KIAA0232: variants seen among roughly 807,000 people sequenced by gnomAD.
KIAA0232 encodes the protein KIAA0232.
KIAA0232 carries 27 observed loss-of-function variants against 122.0 expected under a neutral mutation model. That is an observed-to-expected ratio of 0.22 (90% CI 0.16 to 0.31). KIAA0232 has a LOEUF of 0.31. Ranked by LOEUF, KIAA0232 falls within the 10% of genes least tolerant of loss-of-function variation. KIAA0232 has a pLI of 1.00. For missense variants in KIAA0232, 1,551 were observed against 1,634.2 expected (o/e 0.95, Z 0.88); for synonymous variants, 613 against 587.6 (o/e 1.04, Z -0.63).
chr4:6,874,156 C>A (rs540439632), intron 8 of KIAA0232, among the ~76,000 whole-genome samples: 1 of 152,350 alleles, frequency 6.6e-6, no homozygotes, highest in South Asian at 2.1e-4. Context: ...GCTGGCCTTG[C>A]TGCGCATTCA....
chr4:6,811,571 T>C (rs1717879011), intron 2 of KIAA0232, among the ~76,000 whole-genome samples: 1 of 152,034 alleles, frequency 6.6e-6, no homozygotes, highest in Non-Finnish European at 1.5e-5. Flanking sequence ...GCCTCCTGAG[T>C]AGCTGGGACT....
intron 1 of KIAA0232, among the ~76,000 whole-genome samples, chr4:6,793,947 T>C (rs1197614339): frequency 2.0e-5 from 3 of 152,222 alleles, no homozygotes; most frequent in South Asian, 2.1e-4. Flanking sequence ...TAAAAGTTCA[T>C]GTTCTTTCCG....
intron 4 of KIAA0232, among the ~76,000 whole-genome samples, chr4:6,848,608 C>T (rs562587464): frequency 5.9e-5 from 9 of 152,166 alleles, no homozygotes; most frequent in Non-Finnish European, 1.2e-4. Context: ...ATATAAGGAA[C>T]TTGAACATCC....
rs182806310 is a variant in KIAA0232, at chr4:6,860,783, G to T, written c.519-118G>T. The T allele has an allele frequency of 1.6e-4, 134 of 851,036 alleles. No homozygotes were observed. In the East Asian group the frequency reaches 3.1e-3, roughly 20 times the overall value. The allele number at this position is 851,036 out of a possible 1,614,324, so 52.7% of individuals were successfully genotyped here. ...ATTGTAAAGTTAATGATTCTTGGAT[G>T]ATGTGAATGTTGACACTACTAAAAT... is the stretch of plus-strand genomic sequence containing the variant. On this transcript the variant is annotated intron_variant, in intron 6 of 9. Transcript: ENST00000307659.
At chr4:6,806,198 G>A (rs1323206834) in intron 2 of KIAA0232, among the ~76,000 whole-genome samples, 2 of 152,134 alleles carry the variant, frequency 1.3e-5, no homozygotes, top group Non-Finnish European at 2.9e-5. Flanking sequence ...TTGTAGCCCT[G>A]CTAAAGAATT....
At chr4:6,864,255 C>T (rs1166543058) in intron 7 of KIAA0232, 72 bp downstream of exon 7, 1 of 1,451,992 alleles carries the variant, frequency 6.9e-7, no homozygotes. Context: ...ACATGCCAGT[C>T]AATGAAAGAT....
intron 3 of KIAA0232, among the ~76,000 whole-genome samples, chr4:6,839,370 A>T (rs1237674467): frequency 6.6e-6 from 1 of 152,242 alleles, no homozygotes; most frequent in Non-Finnish European, 1.5e-5. Flanking sequence ...AAATTCCTAT[A>T]CTTCCCAAGA....
intron 2 of KIAA0232, among the ~76,000 whole-genome samples, chr4:6,814,020 C>T (rs1718000514): frequency 6.6e-6 from 1 of 152,024 alleles, no homozygotes; most frequent in Non-Finnish European, 1.5e-5. Context: ...TTTCATTGGA[C>T]CAAGGCTATT....
At position 6,884,039 on chromosome 4, in the gene KIAA0232, GT is replaced by G. The variant is rs570965658; in HGVS notation, c.*3080del. 3 of 152,020 alleles carry G rather than the reference GT, an allele frequency of 2.0e-5. No individual in the cohort carries two copies. The highest frequency in any genetic ancestry group is 7.2e-5 in the African/African-American group (3 of 41,402). The allele number at this position is 152,020 out of a possible 1,614,324, so 9.4% of individuals were successfully genotyped here. ...ACAGGTTCCTCATTGATAAAACAAT[GT>G]TTTTTTGGTTGTTTATTCAGTATCT... On this transcript the variant is annotated 3_prime_UTR_variant, in exon 10 of 10. Coordinates refer to ENST00000307659, the MANE Select transcript of KIAA0232 (RefSeq NM_014743.3).
At chr4:6,838,727 C>CTTTTTT (rs749354748) in intron 3 of KIAA0232, among the ~76,000 whole-genome samples, 5 of 108,240 alleles carry the variant, frequency 4.6e-5, no homozygotes, top group African/African-American at 1.1e-4. Context: ...TTCAAAGCAG[C>CTTTTTT]TTTTTTTTTT....
intron 2 of KIAA0232, among the ~76,000 whole-genome samples, chr4:6,812,950 T>A (rs1717943013): frequency 6.6e-6 from 1 of 152,134 alleles, no homozygotes; most frequent in Non-Finnish European, 1.5e-5. Context: ...ATTTACAGTG[T>A]ATTACAAAAA....
In KIAA0232 at chr4:6,881,537, C is replaced by T. The variant is rs1191991000; in HGVS notation, c.*571C>T. Reference sequence around the variant, plus strand: ...CCGCAGAGGTGTGCTTTTCAAGACTCACCAAATACTGTGTTTTCTCTCTTA... The same window carrying T: ...CCGCAGAGGTGTGCTTTTCAAGACTTACCAAATACTGTGTTTTCTCTCTTA... On this transcript the variant is annotated 3_prime_UTR_variant, in exon 10 of 10. Coordinates refer to ENST00000307659, the MANE Select transcript of KIAA0232 (RefSeq NM_014743.3). 1.3e-5 allele frequency: 2 copies of T among 152,646 alleles called. No homozygotes were observed. Among genetic ancestry groups the T allele is most frequent in the African/African-American group, 2.4e-5 (1 of 41,450 alleles). The allele number at this position is 152,646 out of a possible 1,614,324, so 9.5% of individuals were successfully genotyped here.
rs1722158334 is a variant in KIAA0232, at chr4:6,882,974, C to T, written c.*2008C>T. 6.6e-6 allele frequency: 1 copy of T among 152,382 alleles called. No homozygotes were observed. Among genetic ancestry groups the T allele is most frequent in the Admixed American group, 6.5e-5 (1 of 15,282 alleles). The allele number at this position is 152,382 out of a possible 1,614,324, so 9.4% of individuals were successfully genotyped here. ...TCCAGGTGGCAAAGGTGCACACTTC[C>T]TCAGACACAGGTGAGAAGATGCAGC... On this transcript the variant is annotated 3_prime_UTR_variant, in exon 10 of 10. Transcript: ENST00000307659.
At chr4:6,809,008 G>A (rs567431991) in intron 2 of KIAA0232, among the ~76,000 whole-genome samples, 1 of 152,298 alleles carries the variant, frequency 6.6e-6, no homozygotes, top group African/African-American at 2.4e-5. Context: ...AGGTCATGAG[G>A]ACAGCCAGCA....
chr4:6,792,681 GT>G (rs58976586), intron 1 of KIAA0232, among the ~76,000 whole-genome samples: 2,407 of 124,484 alleles, frequency 0.019, 66 homozygotes, highest in African/African-American at 0.061. Flanking sequence ...ATAGTCTTAG[GT>G]TTTTTTTTTT....
chr4:6,836,540 T>TC (rs1491261328), intron 3 of KIAA0232, among the ~76,000 whole-genome samples: 4 of 147,414 alleles, frequency 2.7e-5, no homozygotes, highest in African/African-American at 5.0e-5. Context: ...TTTTTTTTTT[T>TC]CTTTTCTTTT....
intron 7 of KIAA0232, among the ~76,000 whole-genome samples, chr4:6,866,517 C>G (rs1256307217): frequency 6.6e-6 from 1 of 152,180 alleles, no homozygotes; most frequent in Non-Finnish European, 1.5e-5. Context: ...CTGTATCTTT[C>G]TGTTCTGTCA....
At chr4:6,804,747 T>C (rs1282403824) in intron 2 of KIAA0232, 141 bp downstream of exon 2, 1 of 152,250 alleles carries the variant, frequency 6.6e-6, no homozygotes. Context: ...ATATAATTAA[T>C]GATCTTATTC....
At chr4:6,824,109 AT>A (rs1029002531) in intron 2 of KIAA0232, 75 bp from the exon 3 acceptor site, 13 of 416,702 alleles carry the variant, frequency 3.1e-5, no homozygotes, top group Non-Finnish European at 5.5e-5. Flanking sequence ...AGTTTATTTG[AT>A]TTTTTTTCCT....
Sources: allele counts gnomAD v4.1 joint callset (sites outside exome capture counted in the v4.1 genomes callset), GRCh38; gene constraint gnomAD v4.1.1; transcripts MANE v1.5; gene names NCBI Gene and HGNC (gene_info 2026-07-23, HGNC 2026-07-21).